Variants in LRMDA observed in about 807,000 individuals in gnomAD.
The protein encoded by LRMDA is leucine rich melanocyte differentiation associated.
In LRMDA, 18 loss-of-function variants were observed where a neutral mutation model predicts 29.8. That is an observed-to-expected ratio of 0.60 (90% CI 0.42 to 0.90). LRMDA has a LOEUF of 0.90. Ranked by LOEUF, LRMDA falls within the 40% of genes least tolerant of loss-of-function variation. LRMDA has a pLI of 0.00. For synonymous variants in LRMDA, 125 were observed against 109.4 expected (o/e 1.14, Z -0.89); for missense variants, 273 against 273.9 (o/e 1.00, Z 0.02).
chr10:76,077,991 C>CTTT (rs1564646877), intron 5 of LRMDA, among the ~76,000 whole-genome samples: 15 of 83,432 alleles, frequency 1.8e-4, no homozygotes, highest in South Asian at 4.6e-4. Flanking sequence ...GCAATATTAA[C>CTTT]ATTTTTTTTT....
intron 2 of LRMDA, among the ~76,000 whole-genome samples, chr10:75,769,316 G>A (rs1843207917): frequency 6.6e-6 from 1 of 152,178 alleles, no homozygotes; most frequent in Non-Finnish European, 1.5e-5. Context: ...TAAGAAGTGT[G>A]AAAATCTCTT....
rs1389875269 is a variant in LRMDA at position 75,564,666 on chromosome 10, G to A, written c.131+126172G>A. 3.9e-5 allele frequency among the ~76,000 whole-genome samples: 6 copies of A among 152,190 alleles called. No individual in the cohort carries two copies. In the East Asian group the frequency reaches 5.8e-4, roughly 15 times the overall value. On this transcript the variant is annotated intron_variant, in intron 2 of 6. Coordinates refer to ENST00000611255, the MANE Select transcript of LRMDA (RefSeq NM_001305581.2). ...CTGTAGACCGGAGCTGTTCCTATTCGGCCATCTTGGCTGCCCTCTCTGGAG... is the reference window on the plus strand; with the variant it reads ...CTGTAGACCGGAGCTGTTCCTATTCAGCCATCTTGGCTGCCCTCTCTGGAG...
chr10:76,086,860 C>G (rs1260037702), intron 5 of LRMDA, among the ~76,000 whole-genome samples: 2 of 152,126 alleles, frequency 1.3e-5, no homozygotes, highest in East Asian at 1.9e-4. Context: ...GTATATTTAG[C>G]AAAATGAGAT....
intron 6 of LRMDA, among the ~76,000 whole-genome samples, chr10:76,359,478 A>C (rs777288413): frequency 6.6e-6 from 1 of 152,172 alleles, no homozygotes; most frequent in Non-Finnish European, 1.5e-5. Context: ...TAGATAGTAC[A>C]CTAGATCCAA....
At chr10:76,295,917 T>C (rs1016371164) in intron 5 of LRMDA, among the ~76,000 whole-genome samples, 1 of 152,242 alleles carries the variant, frequency 6.6e-6, no homozygotes, top group African/African-American at 2.4e-5. Flanking sequence ...TTGGGACTGA[T>C]ACATCTTTGG....
intron 2 of LRMDA, among the ~76,000 whole-genome samples, chr10:75,815,069 T>G (rs1844034475): frequency 6.6e-6 from 1 of 152,270 alleles, no homozygotes; most frequent in East Asian, 1.9e-4. Flanking sequence ...AACAAATCAG[T>G]TTAGGTGGCT....
chr10:76,303,888 A>G (rs1031308806), intron 5 of LRMDA, among the ~76,000 whole-genome samples: 2 of 151,832 alleles, frequency 1.3e-5, no homozygotes, highest in African/African-American at 4.8e-5. Context: ...CTCGGGAGAC[A>G]CTCTATTTGC....
chr10:75,645,167 GAGA>G lies in LRMDA; in HGVS notation c.131+206676_131+206678del, dbSNP rs1303147441. ...CCGGCTAATTTTTGTATCTTTAGTGGAGAAGGAGTTTTGCCATGTTGGCCAGGC... is the reference window on the plus strand; with the variant it reads ...CCGGCTAATTTTTGTATCTTTAGTGGAGGAGTTTTGCCATGTTGGCCAGGC... On this transcript the variant is annotated intron_variant, in intron 2 of 6. Transcript: ENST00000611255. Among the ~76,000 whole-genome samples the G allele has an allele frequency of 2.0e-5, 3 of 152,128 alleles. 1 individual carries two copies. The highest frequency in any genetic ancestry group is 2.0e-4 in the Admixed American group (3 of 15,278).
intron 2 of LRMDA, among the ~76,000 whole-genome samples, chr10:75,953,773 G>A (rs1330428219): frequency 6.6e-6 from 1 of 152,128 alleles, no homozygotes; most frequent in Non-Finnish European, 1.5e-5. Flanking sequence ...GGCTGGTGTG[G>A]TAGGCAGAAT....
chr10:75,804,732 G>T (rs1375885852), intron 2 of LRMDA, among the ~76,000 whole-genome samples: 1 of 152,208 alleles, frequency 6.6e-6, no homozygotes, highest in East Asian at 1.9e-4. Flanking sequence ...TAGAATTTGG[G>T]CTGGCAGCAG....
chr10:75,843,420 A>G (rs922172505), intron 2 of LRMDA, among the ~76,000 whole-genome samples: 4 of 152,240 alleles, frequency 2.6e-5, no homozygotes, highest in African/African-American at 9.6e-5. Context: ...AGTGTGGTAT[A>G]GAGAAGGGGG....
chr10:75,560,232 T>C (rs1445564234), intron 2 of LRMDA, among the ~76,000 whole-genome samples: 1 of 152,180 alleles, frequency 6.6e-6, no homozygotes, highest in Non-Finnish European at 1.5e-5. Flanking sequence ...GTAGTTCTCC[T>C]TGAAGAGGTC....
chr10:75,828,902 GAT>G (rs1170627020), intron 2 of LRMDA, among the ~76,000 whole-genome samples: 1 of 152,182 alleles, frequency 6.6e-6, no homozygotes, highest in African/African-American at 2.4e-5. Context: ...AGATAAGTGA[GAT>G]GTGGAATTGG....
intron 5 of LRMDA, among the ~76,000 whole-genome samples, chr10:76,288,208 A>G (rs527418682): frequency 1.2e-4 from 19 of 152,336 alleles, no homozygotes; most frequent in African/African-American, 4.3e-4. Context: ...TAGTTCAGCC[A>G]TTGTTGAAAG....
intron 6 of LRMDA, among the ~76,000 whole-genome samples, chr10:76,547,380 C>T (rs1285396534): frequency 6.6e-6 from 1 of 152,142 alleles, no homozygotes; most frequent in Non-Finnish European, 1.5e-5. Context: ...AGCCCCATTC[C>T]TGAAAACCTT....
intron 2 of LRMDA, among the ~76,000 whole-genome samples, chr10:76,004,442 G>A (rs1445448727): frequency 6.6e-6 from 1 of 152,162 alleles, no homozygotes; most frequent in African/African-American, 2.4e-5. Context: ...CTTGAGACAT[G>A]ACATAGAGAT....
intron 2 of LRMDA, among the ~76,000 whole-genome samples, chr10:75,997,334 G>A (rs1486465032): frequency 6.6e-6 from 1 of 152,118 alleles, no homozygotes; most frequent in African/African-American, 2.4e-5. Flanking sequence ...AATAGTTCTT[G>A]AAACCCCACT....
chr10:76,064,075 T>C (rs2894321), intron 5 of LRMDA, among the ~76,000 whole-genome samples: 62,551 of 152,070 alleles, frequency 0.41, 13,577 homozygotes, highest in Non-Finnish European at 0.46. Context: ...ATGAAAAGGT[T>C]GTTGTATGTG....
At chr10:76,001,501 A>G (rs1847562141) in intron 2 of LRMDA, among the ~76,000 whole-genome samples, 2 of 152,146 alleles carry the variant, frequency 1.3e-5, no homozygotes, top group African/African-American at 4.8e-5. Context: ...TTAAGAGTAA[A>G]TTCATTATGG....
Sources: gnomAD v4.1 joint callset for allele counts (sites outside exome capture counted in the v4.1 genomes callset) on GRCh38, gnomAD v4.1.1 for gene constraint, MANE v1.5 for transcripts, NCBI Gene and HGNC (gene_info 2026-07-23, HGNC 2026-07-21) for gene names.